CCDC50: variants seen among roughly 807,000 people sequenced by gnomAD.
The protein encoded by CCDC50 is coiled-coil domain containing 50, also known as coiled-coil domain-containing protein 50.
In CCDC50, 54 loss-of-function variants were observed where a neutral mutation model predicts 70.2. The observed-to-expected ratio is 0.77, with a 90% CI of 0.62 to 0.96. CCDC50 has a LOEUF of 0.96. Among genes scored for constraint, CCDC50 ranks in the 50% least tolerant of loss-of-function variants. The probability of loss-of-function intolerance (pLI) is 0.00; values close to 1 mark genes in which losing one functional copy is unlikely to be tolerated. For missense variants in CCDC50, 558 were observed against 578.7 expected (o/e 0.96, Z 0.37); for synonymous variants, 216 against 198.8 (o/e 1.09, Z -0.73).
chr3:191,368,354 T>C (rs1156342574), intron 4 of CCDC50, among the ~76,000 whole-genome samples: 1 of 152,092 alleles, frequency 6.6e-6, no homozygotes, highest in African/African-American at 2.4e-5. Context: ...TGTCTGAAAC[T>C]ATTGCATGGA....
At chr3:191,337,019 G>A (rs887596667) in intron 1 of CCDC50, among the ~76,000 whole-genome samples, 9 of 152,146 alleles carry the variant, frequency 5.9e-5, no homozygotes, top group African/African-American at 2.2e-4. Flanking sequence ...TTCAGTGTCT[G>A]TAAGTAAAGT....
chr3:191,348,317 CTG>C (rs1272740950), intron 1 of CCDC50, among the ~76,000 whole-genome samples: 6 of 141,886 alleles, frequency 4.2e-5, no homozygotes, highest in African/African-American at 1.5e-4. Flanking sequence ...CTCCCATTCT[CTG>C]TGTTTCATTC....
In CCDC50 at chr3:191,357,079, C is replaced by G. The variant is rs1352612989; in HGVS notation, c.50-9C>G. 4 of 1,595,160 alleles carry G rather than the reference C, an allele frequency of 2.5e-6. No individual in the cohort carries two copies. Among genetic ancestry groups the G allele is most frequent in the Non-Finnish European group, 3.4e-6 (4 of 1,163,660 alleles). On this transcript the variant is annotated splice_polypyrimidine_tract_variant and intron_variant, in intron 1 of 11. Coordinates refer to ENST00000392455, the MANE Select transcript of CCDC50 (RefSeq NM_178335.3). The stretch of plus-strand genomic sequence containing the variant: ...GCCTTCCTGTCTGTTTTTCCTCCAT[C>G]TACTCTAGTATGCCGAGATTTTGCT...
intron 10 of CCDC50, among the ~76,000 whole-genome samples, chr3:191,385,637 A>G (rs1312850302): frequency 6.6e-6 from 1 of 151,914 alleles, no homozygotes; most frequent in African/African-American, 2.4e-5. Flanking sequence ...CTTTGCAGAA[A>G]TCTTTAGTTA....
intron 3 of CCDC50, 131 bp downstream of exon 3, chr3:191,358,255 C>T (rs1712362429): frequency 8.5e-7 from 1 of 1,179,048 alleles, no homozygotes; most frequent in Admixed American, 2.3e-5. Context: ...AAATCTTACC[C>T]TGGATGTCTA....
intron 1 of CCDC50, among the ~76,000 whole-genome samples, chr3:191,338,425 C>G (rs1336248141): frequency 6.6e-6 from 1 of 152,158 alleles, no homozygotes; most frequent in East Asian, 1.9e-4. Flanking sequence ...CCACGTTCTT[C>G]CCATCTGTAC....
At chr3:191,390,398 CAAG>C (rs991419749) in intron 11 of CCDC50, among the ~76,000 whole-genome samples, 2 of 6,366 alleles carry the variant, frequency 3.1e-4, no homozygotes, top group African/African-American at 1.1e-3. Flanking sequence ...ATTCAGACTC[CAAG>C]AAGAAGGTTC....
rs1012932204 is a variant in CCDC50 at position 191,382,646 on chromosome 3, A to G, written c.1243-100A>G. 3 of 774,366 alleles carry G rather than the reference A, an allele frequency of 3.9e-6. No individual in the cohort carries two copies. The Admixed American group carries it at 6.1e-5, about 16-fold the overall frequency. The allele number at this position is 774,366 out of a possible 1,614,324, so 48.0% of individuals were successfully genotyped here. ...TGAAATTACTAAGGAAGAGCTTGGC[A>G]TGATAAACATACGTTAAACTTAATC... On this transcript the variant is annotated intron_variant, in intron 9 of 11. Transcript: ENST00000392455.
At chr3:191,360,924 C>T in intron 3 of CCDC50, 145 bp from the exon 4 acceptor site, 1 of 625,212 alleles carries the variant, frequency 1.6e-6, no homozygotes, top group Admixed American at 2.4e-5. Context: ...ACCGTGTCAG[C>T]CTCTTTGCAT....
intron 1 of CCDC50, among the ~76,000 whole-genome samples, chr3:191,337,802 T>G (rs1711569142): frequency 6.6e-6 from 1 of 152,148 alleles, no homozygotes; most frequent in Non-Finnish European, 1.5e-5. Flanking sequence ...ATCCAACAGA[T>G]TTAACCACCT....
In CCDC50 at chr3:191,350,713, TGATA is replaced by T. The variant is rs1712079904; in HGVS notation, c.50-6369_50-6366del. On this transcript the variant is annotated intron_variant, in intron 1 of 11. Coordinates refer to ENST00000392455, the MANE Select transcript of CCDC50 (RefSeq NM_178335.3). ...AATTCTGGCTTTGGTTGAAATGGGG[TGATA>T]GATAGGTACTCATTCTGCATACTTG... Among the ~76,000 whole-genome samples, 3 of 140,990 alleles carry T rather than the reference TGATA, an allele frequency of 2.1e-5. 1 individual carries two copies. The highest frequency in any genetic ancestry group is 4.8e-5 in the Non-Finnish European group (3 of 62,520). 92.5% of individuals were successfully genotyped at this position (140,990 alleles called of 152,430 possible).
intron 11 of CCDC50, among the ~76,000 whole-genome samples, 170 bp downstream of exon 11, chr3:191,389,772 A>C (rs1713618062): frequency 6.6e-6 from 1 of 152,186 alleles, no homozygotes; most frequent in Admixed American, 6.5e-5. Context: ...AACAGAAAAC[A>C]GAACACCCTA....
In CCDC50 at chr3:191,397,647, T is replaced by G. The variant is rs1713903264; in HGVS notation, c.*5887T>G. ...CAGGAAACCTGAGGTGATGCTATCA[T>G]TTGTCTCATAATTTAGAAACGTGAT... On this transcript the variant is annotated 3_prime_UTR_variant, in exon 12 of 12. Transcript: ENST00000392455. 6.6e-6 allele frequency: 1 copy of G among 151,408 alleles called. No homozygotes were observed. Among genetic ancestry groups the G allele is most frequent in the Admixed American group, 6.6e-5 (1 of 15,230 alleles). The allele number at this position is 151,408 out of a possible 1,614,324, so 9.4% of individuals were successfully genotyped here.
chr3:191,375,120 A>G lies in CCDC50; in HGVS notation c.507A>G (p.Arg169=). The change falls in exon 6 of 12, where the codon AGA becomes AGG. Residue 169 remains arginine, a synonymous_variant. Transcript: ENST00000392455. ...ELGSGFSRPC[R]LQRDGKTVKH... is the part of the protein sequence containing the mutation. The stretch of plus-strand genomic sequence containing the variant: ...GTTCTGGATTCTCAAGACCTTGTAG[A>G]CTCCAAAGAGATGGAAAGACTGTGA... 1 of 1,613,644 alleles carries G rather than the reference A, an allele frequency of 6.2e-7. No individual in the cohort carries two copies.
intron 1 of CCDC50, among the ~76,000 whole-genome samples, chr3:191,335,226 A>G (rs1459594990): frequency 6.6e-6 from 1 of 152,194 alleles, no homozygotes; most frequent in African/African-American, 2.4e-5. Flanking sequence ...GCTGCTTGAA[A>G]TCCCAGTTCT....
chr3:191,375,012 A>G (rs1163142910), intron 5 of CCDC50, 50 bp from the exon 6 acceptor site: 4 of 1,586,438 alleles, frequency 2.5e-6, no homozygotes, highest in East Asian at 2.2e-5. Context: ...CATAACTCTC[A>G]TTAAATTAAT....
chr3:191,380,782 C>T (rs760222072), intron 8 of CCDC50, 46 bp from the exon 9 acceptor site: 1 of 1,609,706 alleles, frequency 6.2e-7, no homozygotes. Flanking sequence ...TAGTATATTT[C>T]TATCTGCACC....
chr3:191,340,073 A>G (rs931669542), intron 1 of CCDC50, among the ~76,000 whole-genome samples: 2 of 152,244 alleles, frequency 1.3e-5, no homozygotes, highest in Non-Finnish European at 1.5e-5. Flanking sequence ...ACAAATGTCT[A>G]TCACTTACAC....
At position 191,349,438 on chromosome 3, in the gene CCDC50, A is replaced by G. The variant is rs1712032499; in HGVS notation, c.50-7650A>G. Among the ~76,000 whole-genome samples the G allele has an allele frequency of 1.4e-5, 2 of 141,792 alleles. 1 individual carries two copies. The highest frequency in any genetic ancestry group is 4.4e-4 in the South Asian group (2 of 4,510). 93.0% of individuals were successfully genotyped at this position (141,792 alleles called of 152,430 possible). A position where few individuals can be genotyped will look rare whatever the true frequency, so the allele number is the denominator to read the frequency against. ...TTCCCAAATGGAGGGAAACTTGTGG[A>G]TGTTGAAAAGAGGGTTAGAGAGATG... On this transcript the variant is annotated intron_variant, in intron 1 of 11. Coordinates refer to ENST00000392455, the MANE Select transcript of CCDC50 (RefSeq NM_178335.3).
Sources: gnomAD v4.1 joint callset for allele counts (sites outside exome capture counted in the v4.1 genomes callset) on GRCh38, gnomAD v4.1.1 for gene constraint, MANE v1.5 for transcripts, NCBI Gene and HGNC (gene_info 2026-07-23, HGNC 2026-07-21) for gene names.